ROBO2: variants seen among roughly 807,000 people sequenced by gnomAD.
The protein encoded by ROBO2 is roundabout homolog 2.
A neutral mutation model predicts 160.8 loss-of-function variants in ROBO2; 53 were observed. That is an observed-to-expected ratio of 0.33 (90% CI 0.26 to 0.41). The LOEUF (loss-of-function observed/expected upper bound fraction) is 0.41, where lower values mean the gene tolerates loss of function less well. Ranked by LOEUF, ROBO2 falls within the 10% of genes least tolerant of loss-of-function variation. The pLI is 1.00. For missense variants in ROBO2, 1,577 were observed against 1,722.4 expected (o/e 0.92, Z 1.49); for synonymous variants, 664 against 611.7 (o/e 1.09, Z -1.26).
intron 2 of ROBO2, among the ~76,000 whole-genome samples, chr3:75,965,716 G>A (rs1203471508): frequency 3.3e-5 from 5 of 151,130 alleles, no homozygotes; most frequent in African/African-American, 9.7e-5. Flanking sequence ...AAATATCTTC[G>A]AACATCCATA....
At chr3:76,929,858 G>A (rs1423821247) in intron 2 of ROBO2, among the ~76,000 whole-genome samples, 1 of 152,130 alleles carries the variant, frequency 6.6e-6, no homozygotes, top group East Asian at 1.9e-4. Flanking sequence ...AGTGTCTGTG[G>A]ATCTCAGGGA....
chr3:76,881,972 G>C (rs2073379866), intron 2 of ROBO2, among the ~76,000 whole-genome samples: 1 of 151,090 alleles, frequency 6.6e-6, no homozygotes, highest in South Asian at 2.1e-4. Flanking sequence ...TGGGTGGTAG[G>C]TTGGTTTTGT....
rs1233047274 is a variant in ROBO2 at position 76,036,513 on chromosome 3, C to CT, written c.109+98919dup. Among the ~76,000 whole-genome samples, 9 of 151,104 alleles carry CT rather than the reference C, an allele frequency of 6.0e-5. No individual in the cohort carries two copies. In the South Asian group the frequency reaches 1.0e-3, roughly 18 times the overall value. ...TTTGGGGCAAGTTTCTCCCTTTTTT[C>CT]TTTTTTTTGAAACAGAGTTTCACTC... On this transcript the variant is annotated intron_variant, in intron 2 of 26. Transcript: ENST00000487694.
intron 2 of ROBO2, among the ~76,000 whole-genome samples, chr3:77,139,189 T>G (rs182569763): frequency 2.0e-5 from 3 of 152,218 alleles, no homozygotes; most frequent in Admixed American, 1.3e-4. Context: ...CTTAAGACTG[T>G]GGAGTTGGAG....
At chr3:76,162,924 T>C (rs1407723764) in intron 2 of ROBO2, among the ~76,000 whole-genome samples, 1 of 152,148 alleles carries the variant, frequency 6.6e-6, no homozygotes, top group Non-Finnish European at 1.5e-5. Context: ...TATAGTGCTA[T>C]AAAAAATGCT....
At chr3:76,713,409 AT>A (rs1287064213) in intron 2 of ROBO2, among the ~76,000 whole-genome samples, 1 of 151,928 alleles carries the variant, frequency 6.6e-6, no homozygotes, top group Non-Finnish European at 1.5e-5. Flanking sequence ...TTATCCTAAG[AT>A]TTTTTTCTTA....
intron 2 of ROBO2, among the ~76,000 whole-genome samples, chr3:75,975,398 T>C (rs2065110044): frequency 6.6e-6 from 1 of 151,440 alleles, no homozygotes; most frequent in Non-Finnish European, 1.5e-5. Context: ...TTGTCTACGC[T>C]TTATTTATAT....
At chr3:76,643,769 T>TA (rs1250650958) in intron 2 of ROBO2, among the ~76,000 whole-genome samples, 8 of 151,256 alleles carry the variant, frequency 5.3e-5, no homozygotes, top group African/African-American at 1.7e-4. Context: ...TTTAATGGTT[T>TA]AAAAAAAAAG....
chr3:77,389,136 G>T (rs1012090839), intron 2 of ROBO2, among the ~76,000 whole-genome samples: 1 of 152,080 alleles, frequency 6.6e-6, no homozygotes, highest in African/African-American at 2.4e-5. Flanking sequence ...TAGAGACAGG[G>T]TTTTACCATG....
intron 2 of ROBO2, among the ~76,000 whole-genome samples, chr3:76,318,503 A>C (rs2072235953): frequency 1.3e-5 from 2 of 152,124 alleles, no homozygotes; most frequent in Admixed American, 6.5e-5. Flanking sequence ...TTGTTTAAAA[A>C]CTTAAAAGGG....
chr3:75,916,451 A>G (rs1429451636), intron 1 of ROBO2, among the ~76,000 whole-genome samples: 3 of 152,196 alleles, frequency 2.0e-5, no homozygotes, highest in Non-Finnish European at 4.4e-5. Flanking sequence ...AGGCAACAGA[A>G]TGAAAATAAA....
intron 2 of ROBO2, among the ~76,000 whole-genome samples, chr3:77,457,820 T>C (rs1042693128): frequency 5.3e-5 from 8 of 151,954 alleles, no homozygotes; most frequent in African/African-American, 1.9e-4. Flanking sequence ...TGTTAAATAT[T>C]ATATTAATTT....
chr3:77,601,286 T>G (rs540216729), intron 19 of ROBO2, among the ~76,000 whole-genome samples: 44 of 152,332 alleles, frequency 2.9e-4, no homozygotes, highest in Middle Eastern at 3.4e-3. Flanking sequence ...TAAAATGTAC[T>G]ATATAATAAT....
chr3:77,540,311 T>G (rs1422506592), intron 6 of ROBO2, among the ~76,000 whole-genome samples: 1 of 152,242 alleles, frequency 6.6e-6, no homozygotes, highest in African/African-American at 2.4e-5. Context: ...GTTAAAGTTC[T>G]ATCATTCTTC....
intron 2 of ROBO2, among the ~76,000 whole-genome samples, chr3:75,987,207 C>G (rs978502210): frequency 1.3e-5 from 2 of 151,840 alleles, no homozygotes; most frequent in African/African-American, 4.8e-5. Flanking sequence ...CATGGAATAT[C>G]TTTCCGTTTA....
intron 2 of ROBO2, among the ~76,000 whole-genome samples, chr3:76,514,927 G>A (rs2081276748): frequency 6.6e-6 from 1 of 152,080 alleles, no homozygotes; most frequent in Non-Finnish European, 1.5e-5. Context: ...TTAGCCCTTG[G>A]TTTGAGACAC....
At chr3:77,566,239 A>G (rs1582988684) in intron 12 of ROBO2, among the ~76,000 whole-genome samples, 1 of 152,178 alleles carries the variant, frequency 6.6e-6, no homozygotes, top group South Asian at 2.1e-4. Context: ...ACATGATGAC[A>G]GTCAAGGGAG....
chr3:76,116,262 G>GT (rs769954051), intron 2 of ROBO2, among the ~76,000 whole-genome samples: 10 of 152,114 alleles, frequency 6.6e-5, no homozygotes, highest in Non-Finnish European at 1.3e-4. Context: ...AAAGTGTCAG[G>GT]TGCAATGCAA....
In ROBO2 at chr3:77,638,818, CT is replaced by C. The variant is rs34034420; in HGVS notation, c.3934+3800del. Among the ~76,000 whole-genome samples, 354 of 51,270 alleles carry C rather than the reference CT, an allele frequency of 6.9e-3. 1 individual carries two copies. Among genetic ancestry groups the C allele is most frequent in the African/African-American group, 0.019 (236 of 12,288 alleles). 33.6% of individuals were successfully genotyped at this position (51,270 alleles called of 152,430 possible). On this transcript the variant is annotated intron_variant, in intron 24 of 25. Coordinates refer to ENST00000461745, the Ensembl canonical transcript of ROBO2. ...CCAGCCTATTCTCCCTTTCACCTAG[CT>C]TTTTTTTTTTTTTTTTTTTTTTTTG...
Sources: gnomAD v4.1 joint callset for allele counts (sites outside exome capture counted in the v4.1 genomes callset) on GRCh38, gnomAD v4.1.1 for gene constraint, MANE v1.5 for transcripts, NCBI Gene and HGNC (gene_info 2026-07-23, HGNC 2026-07-21) for gene names.